Variants in NBEA observed in about 807,000 individuals in gnomAD.
NBEA encodes lysosomal-trafficking regulator 2.
A neutral mutation model predicts 343.4 loss-of-function variants in NBEA; 44 were observed. The ratio of observed to expected loss-of-function variants is 0.13; its 90% confidence interval spans 0.10 to 0.16. The LOEUF is 0.16. NBEA is among the 10% of genes least tolerant of loss of function. NBEA has a pLI of 1.00. For missense variants in NBEA, 2,555 were observed against 3,631.3 expected (o/e 0.70, Z 7.62); for synonymous variants, 1,175 against 1,238.7 (o/e 0.95, Z 1.08).
At chr13:35,208,025 G>A (rs542925283) in intron 31 of NBEA, among the ~76,000 whole-genome samples, 72 of 152,152 alleles carry the variant, frequency 4.7e-4, no homozygotes, top group South Asian at 2.1e-4. Context: ...TTTGAGACCA[G>A]CCTGACCAAC....
chr13:35,513,357 G>A (rs2077362172), intron 41 of NBEA, among the ~76,000 whole-genome samples: 1 of 138,970 alleles, frequency 7.2e-6, no homozygotes, highest in Non-Finnish European at 1.5e-5. Context: ...CACCATGTTG[G>A]CCAGGCTGGT....
chr13:35,426,571 C>G (rs1362158774), intron 38 of NBEA, among the ~76,000 whole-genome samples: 1 of 152,118 alleles, frequency 6.6e-6, no homozygotes, highest in Non-Finnish European at 1.5e-5. Context: ...CTCTGGCTGC[C>G]CTTAACGTTT....
chr13:35,163,733 T>C (rs2069763481), intron 23 of NBEA, among the ~76,000 whole-genome samples: 1 of 152,126 alleles, frequency 6.6e-6, no homozygotes, highest in Non-Finnish European at 1.5e-5. Flanking sequence ...TACTTTGAGA[T>C]TTTTTCCTTT....
intron 48 of NBEA, among the ~76,000 whole-genome samples, chr13:35,623,827 G>A (rs925142274): frequency 1.3e-5 from 2 of 152,018 alleles, no homozygotes; most frequent in East Asian, 1.9e-4. Flanking sequence ...TACATTACAC[G>A]TAAATTCTAC....
chr13:35,046,955 A>C (rs1387144108), intron 4 of NBEA, among the ~76,000 whole-genome samples: 3 of 152,082 alleles, frequency 2.0e-5, no homozygotes, highest in Non-Finnish European at 4.4e-5. Flanking sequence ...TTCTGTTCAC[A>C]TCTTCCGTTC....
chr13:35,190,448 A>G (rs556277495), intron 30 of NBEA, among the ~76,000 whole-genome samples: 2 of 152,218 alleles, frequency 1.3e-5, no homozygotes, highest in East Asian at 1.9e-4. Flanking sequence ...CCATGAGAAC[A>G]TTGCAAGCAT....
intron 36 of NBEA, among the ~76,000 whole-genome samples, chr13:35,346,318 A>T (rs2039872594): frequency 6.6e-6 from 1 of 152,128 alleles, no homozygotes; most frequent in Admixed American, 6.6e-5. Flanking sequence ...CATGCACTAG[A>T]CAAAGCCATT....
At chr13:35,312,046 C>A (rs988287879) in intron 36 of NBEA, among the ~76,000 whole-genome samples, 1 of 152,116 alleles carries the variant, frequency 6.6e-6, no homozygotes, top group South Asian at 2.1e-4. Context: ...ATGAGTGCAG[C>A]AAATGTCTGT....
chr13:34,942,930 C>G lies in NBEA; in HGVS notation c.110C>G (p.Thr37Ser), dbSNP rs750314737. ...GGGGGSGGGG[T>S]GGSGMGELRG... ...GGCGGGGGCAGCGGTGGTGGCGGCA[C>G]CGGGGGCAGCGGGATGGGGGAGCTA... The change falls in exon 1 of 59, where the codon ACC becomes AGC. Residue 37 changes from threonine to serine, a missense_variant. By Grantham distance (58) the Thr-to-Ser change is moderately conservative (BLOSUM62 1). Transcript: ENST00000379939. The G allele has an allele frequency of 1.3e-6, 2 of 1,548,906 alleles. No homozygotes were observed. Among genetic ancestry groups the G allele is most frequent in the Non-Finnish European group, 1.7e-6 (2 of 1,147,332 alleles).
At chr13:35,285,548 A>G (rs977960438) in intron 34 of NBEA, among the ~76,000 whole-genome samples, 4 of 152,050 alleles carry the variant, frequency 2.6e-5, no homozygotes, top group African/African-American at 7.2e-5. Flanking sequence ...ATCTCAGTTA[A>G]AGGTATCATC....
intron 1 of NBEA, among the ~76,000 whole-genome samples, chr13:35,039,237 A>G (rs1248974933): frequency 6.8e-6 from 1 of 146,424 alleles, no homozygotes; most frequent in Non-Finnish European, 1.5e-5. Flanking sequence ...TGCTGGAGTC[A>G]GGGAGGGGTG....
At chr13:35,154,880 C>T (rs1483814139) in intron 18 of NBEA, among the ~76,000 whole-genome samples, 1 of 151,948 alleles carries the variant, frequency 6.6e-6, no homozygotes, top group East Asian at 1.9e-4. Flanking sequence ...AATCCCAGCA[C>T]TTTGAGAAGC....
intron 25 of NBEA, chr13:35,171,023 AC>A: frequency 1.7e-6 from 1 of 583,980 alleles, no homozygotes; most frequent in Non-Finnish European, 3.2e-6. Context: ...CATTTTTATA[AC>A]TAAAGACATT....
intron 45 of NBEA, among the ~76,000 whole-genome samples, chr13:35,578,749 G>A (rs946176324): frequency 1.3e-5 from 2 of 152,018 alleles, no homozygotes; most frequent in Admixed American, 6.6e-5. Context: ...ATGTGTGCAG[G>A]TTTGAGTATT....
intron 40 of NBEA, among the ~76,000 whole-genome samples, chr13:35,466,892 T>C (rs957013540): frequency 1.3e-5 from 2 of 152,210 alleles, no homozygotes; most frequent in African/African-American, 4.8e-5. Flanking sequence ...TATGATTTTT[T>C]TTTATTTCCT....
chr13:35,474,890 TCCCC>T, intron 41 of NBEA: 1 of 823,190 alleles, frequency 1.2e-6, no homozygotes, highest in Non-Finnish European at 1.8e-6. Context: ...CTACTTTTTC[TCCCC>T]TTGTGGGGGT....
rs2059071055 is a variant in NBEA at position 34,942,850 on chromosome 13, G to A, written c.30G>A (p.Pro10=). 2.2e-6 allele frequency: 3 copies of A among 1,366,828 alleles called. No homozygotes were observed. Among genetic ancestry groups the A allele is most frequent in the Middle Eastern group, 2.7e-4 (1 of 3,694 alleles). The allele number at this position is 1,366,828 out of a possible 1,614,324, so 84.7% of individuals were successfully genotyped here. A position where few individuals can be genotyped will look rare whatever the true frequency, so the allele number is the denominator to read the frequency against. MASEKPGPG[P]GLEPQPVGLI... ...CTAGCGAGAAGCCGGGCCCGGGCCC[G>A]GGGCTCGAGCCTCAGCCCGTGGGGC... The change falls in exon 1 of 59, where the codon CCG becomes CCA. Residue 10 remains proline, a synonymous_variant. Transcript: ENST00000379939.
intron 17 of NBEA, among the ~76,000 whole-genome samples, chr13:35,126,746 C>T (rs1396400204): frequency 6.6e-6 from 1 of 151,796 alleles, no homozygotes; most frequent in African/African-American, 2.4e-5. Flanking sequence ...GGTGAAACAC[C>T]ATCTCTACTA....
At chr13:35,045,166 A>G in intron 3 of NBEA, 119 bp downstream of exon 3, 1 of 1,211,562 alleles carries the variant, frequency 8.3e-7, no homozygotes, top group Non-Finnish European at 1.1e-6. Context: ...TTCTTCTTAA[A>G]TGATTTAGTA....
Sources: gnomAD v4.1 joint callset for allele counts (sites outside exome capture counted in the v4.1 genomes callset) on GRCh38, gnomAD v4.1.1 for gene constraint, MANE v1.5 for transcripts, NCBI Gene and HGNC (gene_info 2026-07-23, HGNC 2026-07-21) for gene names.